The following MACC1 variants were observed in gnomAD, a reference collection of about 807,000 sequenced individuals.
MACC1 encodes metastasis-associated in colon cancer protein 1.
Under a neutral mutation model 70.7 loss-of-function variants are expected in MACC1, and 79 were observed. The ratio of observed to expected loss-of-function variants is 1.12; its 90% confidence interval spans 0.93 to 1.35. MACC1 has a LOEUF of 1.35. MACC1 is among the 40% of genes most tolerant of loss of function. MACC1 has a pLI of 0.00. For missense variants in MACC1, 1,106 were observed against 978.1 expected (o/e 1.13, Z -1.74); for synonymous variants, 361 against 347.2 (o/e 1.04, Z -0.44).
In MACC1 at chr7:20,140,906, T is replaced by G. The variant is rs1781790258; in HGVS notation, c.*40A>C. The G allele has an allele frequency of 7.3e-7, 1 of 1,363,220 alleles. No individual in the cohort carries two copies. The highest frequency in any genetic ancestry group is 1.5e-5 in the African/African-American group (1 of 67,894). 84.4% of individuals were successfully genotyped at this position (1,363,220 alleles called of 1,614,324 possible). The stretch of plus-strand genomic sequence containing the variant: ...ACAGACACACACACACACACACCAT[T>G]ACCTCATTTTCCCTCCCATCAAAAA... On this transcript the variant is annotated 3_prime_UTR_variant, in exon 7 of 7. Transcript: ENST00000400331.
rs137985290 is a variant in MACC1 at position 20,159,617 on chromosome 7, C to T, written c.744G>A (p.Glu248=). The T allele has an allele frequency of 2.6e-5, 42 of 1,614,132 alleles. No individual in the cohort carries two copies. The Middle Eastern group carries it at 4.9e-4, about 19-fold the overall frequency. ...QGHVAVGEFQ[E]VSLRAFLDPP... Reference sequence around the variant, plus strand: ...GATCAAGGAAAGCCCTTAGAGACACCTCTTGGAATTCTCCCACAGCCACAT... The same window carrying T: ...GATCAAGGAAAGCCCTTAGAGACACTTCTTGGAATTCTCCCACAGCCACAT... Residue 248 remains glutamate, a synonymous_variant, in exon 5 of 7, where the codon GAG becomes GAA. Coordinates refer to ENST00000400331, the MANE Select transcript of MACC1 (RefSeq NM_182762.4).
At chr7:20,203,547 G>T (rs140351963) in intron 1 of MACC1, among the ~76,000 whole-genome samples, 103 of 152,282 alleles carry the variant, frequency 6.8e-4, no homozygotes, top group African/African-American at 2.4e-3. Context: ...TGGTTTCCAG[G>T]CAGGCAAACA....
intron 1 of MACC1, among the ~76,000 whole-genome samples, chr7:20,199,324 C>T (rs551571609): frequency 2.0e-5 from 3 of 152,228 alleles, no homozygotes; most frequent in Non-Finnish European, 2.9e-5. Flanking sequence ...TGATCTTCTC[C>T]TGTTCATACT....
At chr7:20,151,335 C>A (rs1005479161) in intron 6 of MACC1, among the ~76,000 whole-genome samples, 1 of 152,096 alleles carries the variant, frequency 6.6e-6, no homozygotes, top group African/African-American at 2.4e-5. Flanking sequence ...GCTATTGATT[C>A]CTTTTTTAAA....
chr7:20,138,195 G>T lies in MACC1; in HGVS notation c.*2751C>A, dbSNP rs888178140. On this transcript the variant is annotated 3_prime_UTR_variant, in exon 7 of 7. Transcript: ENST00000400331. ...AAAAAAAAAAAAATTTCCCCTGGAA[G>T]GATTTGTTACAAGATTATAAAATAT... 2.0e-5 allele frequency: 3 copies of T among 146,514 alleles called. No homozygotes were observed. Among genetic ancestry groups the T allele is most frequent in the Non-Finnish European group, 4.5e-5 (3 of 66,752 alleles). 9.1% of individuals were successfully genotyped at this position (146,514 alleles called of 1,614,324 possible). A position where few individuals can be genotyped will look rare whatever the true frequency, so the allele number is the denominator to read the frequency against.
intron 1 of MACC1, among the ~76,000 whole-genome samples, chr7:20,175,440 G>C (rs1301703272): frequency 1.3e-5 from 2 of 151,856 alleles, no homozygotes; most frequent in Non-Finnish European, 2.9e-5. Flanking sequence ...TTAAAAAATT[G>C]ATCAAGCAAT....
Position 20,161,760 on chromosome 7 carries a change from A to G in MACC1, c.103T>C (p.Cys35Arg), listed in dbSNP as rs773277257. The change falls in exon 4 of 7, where the codon TGC (cysteine) becomes CGC (arginine). Residue 35 changes from cysteine (C) to arginine (R), a missense_variant. Transcript: ENST00000400331. ...TAAATTCCCATACCTGTAATATTGC[A>G]ACTTTTTGAGAGTTTTCCAGCTTCC... ...DMEAGKLSKS[C>R]NITECQDPDL... is the part of the protein sequence containing the mutation. 4.4e-6 allele frequency: 7 copies of G among 1,608,472 alleles called. No individual in the cohort carries two copies. Among genetic ancestry groups the G allele is most frequent in the Non-Finnish European group, 6.0e-6 (7 of 1,175,494 alleles).
intron 6 of MACC1, among the ~76,000 whole-genome samples, chr7:20,148,004 AT>A (rs1318712144): frequency 2.0e-5 from 3 of 152,180 alleles, no homozygotes; most frequent in African/African-American, 7.2e-5. Flanking sequence ...CTTCAATTTA[AT>A]TTTTCAATGT....
At chr7:20,193,539 C>T (rs1782702968) in intron 1 of MACC1, among the ~76,000 whole-genome samples, 1 of 152,178 alleles carries the variant, frequency 6.6e-6, no homozygotes, top group Admixed American at 6.5e-5. Flanking sequence ...ATCTAAGTTG[C>T]ATCCTGTTAT....
At position 20,155,579 on chromosome 7, in the gene MACC1, C is replaced by T. The variant is rs374068296; in HGVS notation, c.2158-1198G>A. Among the ~76,000 whole-genome samples, 6 of 152,278 alleles carry T rather than the reference C, an allele frequency of 3.9e-5. No individual in the cohort carries two copies. In the South Asian group the frequency reaches 1.2e-3, roughly 32 times the overall value. ...TGTGGATAAGGGGAACTACTGTAAA[C>T]ATGTTTGGTAGCCCCTCATTATTTA... On this transcript the variant is annotated intron_variant, in intron 5 of 6. Coordinates refer to ENST00000400331, the MANE Select transcript of MACC1 (RefSeq NM_182762.4).
intron 1 of MACC1, among the ~76,000 whole-genome samples, chr7:20,188,304 C>T (rs963610061): frequency 2.0e-5 from 3 of 152,084 alleles, no homozygotes; most frequent in Admixed American, 2.0e-4. Flanking sequence ...GTATTTGAAC[C>T]CCTTTGCTTG....
chr7:20,194,978 T>A (rs1782727624), intron 1 of MACC1, among the ~76,000 whole-genome samples: 1 of 152,196 alleles, frequency 6.6e-6, no homozygotes, highest in South Asian at 2.1e-4. Context: ...AAACCTCTAA[T>A]CAGAAAAAGC....
chr7:20,202,393 C>G (rs981008215), intron 1 of MACC1, among the ~76,000 whole-genome samples: 2 of 152,166 alleles, frequency 1.3e-5, no homozygotes, highest in Non-Finnish European at 2.9e-5. Flanking sequence ...TCAGAATACG[C>G]CTCTTTGTAT....
At chr7:20,182,963 T>C (rs1317496723) in intron 1 of MACC1, among the ~76,000 whole-genome samples, 3 of 152,248 alleles carry the variant, frequency 2.0e-5, no homozygotes, top group African/African-American at 7.2e-5. Context: ...AACATTTAAA[T>C]AGAACTTAAT....
At chr7:20,187,745 A>G (rs1011461806) in intron 1 of MACC1, among the ~76,000 whole-genome samples, 1 of 152,190 alleles carries the variant, frequency 6.6e-6, no homozygotes, top group Non-Finnish European at 1.5e-5. Context: ...ATGCTGCCAG[A>G]CAATGCAACT....
At chr7:20,212,504 A>G (rs1484348214) in intron 1 of MACC1, among the ~76,000 whole-genome samples, 1 of 152,026 alleles carries the variant, frequency 6.6e-6, no homozygotes, top group Non-Finnish European at 1.5e-5. Flanking sequence ...TGAGTACCTG[A>G]AGAATCTCTC....
rs866561548 is a variant in MACC1, at chr7:20,158,985, T to C, written c.1376A>G (p.Gln459Arg). The change falls in exon 5 of 7, where the codon CAG (glutamine) becomes CGG (arginine). Residue 459 changes from glutamine to arginine, a missense_variant. Gln to Arg is a conservative substitution (Grantham distance 43). Coordinates refer to ENST00000400331, the MANE Select transcript of MACC1 (RefSeq NM_182762.4). Reference sequence around the variant, plus strand: ...ATGAACTACTTCACCTGCTTCCAACTGCTTTTGTTTAATTTCTTTCCTTTC... The same window carrying C: ...ATGAACTACTTCACCTGCTTCCAACCGCTTTTGTTTAATTTCTTTCCTTTC... Reference protein sequence around the residue: ...EGERKEIKQKQLEAGEVVHQQ... With the variant: ...EGERKEIKQKRLEAGEVVHQQ... 5.0e-6 allele frequency: 8 copies of C among 1,614,088 alleles called. No individual in the cohort carries two copies. In the Middle Eastern group the frequency reaches 1.3e-3, roughly 266 times the overall value.
intron 1 of MACC1, among the ~76,000 whole-genome samples, chr7:20,195,338 G>A (rs971678563): frequency 2.0e-5 from 3 of 152,150 alleles, no homozygotes; most frequent in Admixed American, 2.0e-4. Context: ...AAAGATTATA[G>A]CCTTCAAGGT....
At chr7:20,192,491 T>C (rs556736495) in intron 1 of MACC1, among the ~76,000 whole-genome samples, 34 of 152,202 alleles carry the variant, frequency 2.2e-4, no homozygotes, top group Non-Finnish European at 4.9e-4. Context: ...AAGCCCTGAC[T>C]TCTAGTCATC....
Sources: gnomAD v4.1 joint callset for allele counts (sites outside exome capture counted in the v4.1 genomes callset) on GRCh38, gnomAD v4.1.1 for gene constraint, MANE v1.5 for transcripts, NCBI Gene and HGNC (gene_info 2026-07-23, HGNC 2026-07-21) for gene names.